Variants in KLF12 observed in about 807,000 individuals in gnomAD.
KLF12 encodes Krueppel-like factor 12.
In KLF12, 9 loss-of-function variants were observed where a neutral mutation model predicts 37.8. The ratio of observed to expected loss-of-function variants is 0.24; its 90% confidence interval spans 0.14 to 0.42. KLF12 has a LOEUF of 0.42. Among genes scored for constraint, KLF12 ranks in the 10% least tolerant of loss-of-function variants. The pLI is 1.00. For synonymous variants in KLF12, 208 were observed against 202.1 expected (o/e 1.03, Z -0.25); for missense variants, 411 against 516.0 (o/e 0.80, Z 1.97).
chr13:74,161,165 TAG>T, the KLF12 span, among the ~76,000 whole-genome samples: 2 of 151,794 alleles, frequency 1.3e-5, no homozygotes, highest in African/African-American at 4.8e-5. Context: ...GTGGTTTAGT[TAG>T]AGTTTTAGCA....
chr13:73,728,120 T>G (rs761128299), intron 6 of KLF12, among the ~76,000 whole-genome samples: 11 of 152,346 alleles, frequency 7.2e-5, no homozygotes, highest in Non-Finnish European at 1.2e-4. Context: ...TCCGTTTAAT[T>G]AAAAAAATTT....
intron 3 of KLF12, among the ~76,000 whole-genome samples, chr13:73,851,090 C>T (rs188628396): frequency 1.3e-5 from 2 of 152,232 alleles, no homozygotes; most frequent in African/African-American, 4.8e-5. Flanking sequence ...ACTCATACAA[C>T]GGTTGTGAAG....
chr13:74,224,324 C>A, the KLF12 span, among the ~76,000 whole-genome samples: 4 of 152,242 alleles, frequency 2.6e-5, no homozygotes, highest in East Asian at 7.7e-4. Context: ...AAACATGTTT[C>A]CTACATCCTC....
chr13:74,005,582 G>T (rs1382008758), intron 1 of KLF12, among the ~76,000 whole-genome samples: 1 of 152,066 alleles, frequency 6.6e-6, no homozygotes, highest in African/African-American at 2.4e-5. Context: ...TAAAATAACT[G>T]CATTTCAGTT....
chr13:73,973,655 T>A (rs9530268), intron 2 of KLF12, among the ~76,000 whole-genome samples: 1 of 144,908 alleles, frequency 6.9e-6, no homozygotes. Context: ...ATAGAACATC[T>A]GCCCAGCAAG....
the KLF12 span, among the ~76,000 whole-genome samples, chr13:74,209,522 TCACACACACA>T: frequency 1.4e-4 from 21 of 145,994 alleles, no homozygotes; most frequent in African/African-American, 4.3e-4. Flanking sequence ...AACATCTTAG[TCACACACACA>T]CACACACACA....
intron 4 of KLF12, among the ~76,000 whole-genome samples, chr13:73,828,743 T>A (rs933395589): frequency 5.3e-5 from 8 of 152,242 alleles, no homozygotes; most frequent in Non-Finnish European, 1.2e-4. Flanking sequence ...ATCGTTAGCT[T>A]GGCACAGAAG....
intron 1 of KLF12, among the ~76,000 whole-genome samples, chr13:73,999,290 C>A (rs1892206299): frequency 6.6e-6 from 1 of 152,142 alleles, no homozygotes; most frequent in Non-Finnish European, 1.5e-5. Flanking sequence ...CTATAAGTAT[C>A]CAATGCTCAC....
At chr13:74,077,455 A>C (rs1361307112) in intron 1 of KLF12, among the ~76,000 whole-genome samples, 1 of 152,190 alleles carries the variant, frequency 6.6e-6, no homozygotes, top group African/African-American at 2.4e-5. Context: ...AACATTAAAA[A>C]CTTATAATTA....
chr13:74,302,009 CAAAT>C, the KLF12 span, among the ~76,000 whole-genome samples: 8 of 152,108 alleles, frequency 5.3e-5, no homozygotes, highest in Non-Finnish European at 1.2e-4. Context: ...ATTTCAATGA[CAAAT>C]AACCTCCAGG....
At chr13:74,174,390 T>C in the KLF12 span, among the ~76,000 whole-genome samples, 1 of 149,226 alleles carries the variant, frequency 6.7e-6, no homozygotes, top group African/African-American at 2.5e-5. Flanking sequence ...TGGAGTGCAG[T>C]GGCGCGAACT....
chr13:73,710,378 CTGTGTGTGTGTGTGTG>C (rs59799453), intron 7 of KLF12, among the ~76,000 whole-genome samples: 82 of 143,896 alleles, frequency 5.7e-4, no homozygotes, highest in African/African-American at 1.6e-3. Context: ...AAGATATTGT[CTGTGTGTGTGTGTGTG>C]TGTGTGTGTG....
intron 5 of KLF12, among the ~76,000 whole-genome samples, chr13:73,769,947 A>T (rs375191327): frequency 7.9e-5 from 12 of 152,340 alleles, no homozygotes; most frequent in South Asian, 4.2e-4. Flanking sequence ...TACCAAGATT[A>T]TAAGAAATTA....
At chr13:74,099,556 C>T (rs897999655) in intron 1 of KLF12, among the ~76,000 whole-genome samples, 2 of 152,130 alleles carry the variant, frequency 1.3e-5, no homozygotes, top group East Asian at 3.9e-4. Flanking sequence ...TAGGCTTGTC[C>T]CTAGACACAT....
chr13:73,930,050 A>C (rs1302031293), intron 3 of KLF12, among the ~76,000 whole-genome samples: 2 of 152,238 alleles, frequency 1.3e-5, no homozygotes, highest in Admixed American at 1.3e-4. Flanking sequence ...AAATAAAGTC[A>C]GCTATATAAA....
At chr13:73,999,319 G>T (rs1892207021) in intron 1 of KLF12, among the ~76,000 whole-genome samples, 1 of 152,052 alleles carries the variant, frequency 6.6e-6, no homozygotes, top group South Asian at 2.1e-4. Context: ...GTAACACAAG[G>T]CCATCATAGT....
intron 1 of KLF12, among the ~76,000 whole-genome samples, chr13:74,010,850 G>A (rs893592931): frequency 2.0e-5 from 3 of 152,144 alleles, no homozygotes; most frequent in African/African-American, 7.2e-5. Flanking sequence ...CTTTTACAGA[G>A]AGGCAATAGA....
chr13:74,172,281 C>T, the KLF12 span, among the ~76,000 whole-genome samples: 2 of 151,950 alleles, frequency 1.3e-5, no homozygotes, highest in African/African-American at 4.8e-5. Flanking sequence ...GTAGGTTTTC[C>T]ATGTGTGATA....
At chr13:73,869,657 AATATACTCAGC>A (rs2138863463) in intron 3 of KLF12, among the ~76,000 whole-genome samples, 1 of 151,836 alleles carries the variant, frequency 6.6e-6, no homozygotes, top group African/African-American at 2.4e-5. Flanking sequence ...GAGTATATAT[AATATACTCAGC>A]ATATAACATA....
Sources: gnomAD v4.1 joint callset for allele counts (sites outside exome capture counted in the v4.1 genomes callset) on GRCh38, gnomAD v4.1.1 for gene constraint, MANE v1.5 for transcripts, NCBI Gene and HGNC (gene_info 2026-07-23, HGNC 2026-07-21) for gene names.